SEMA6D: variants seen among roughly 807,000 people sequenced by gnomAD.
SEMA6D encodes the protein semaphorin-6D.
Under a neutral mutation model 106.6 loss-of-function variants are expected in SEMA6D, and 35 were observed. The observed-to-expected ratio is 0.33, with a 90% CI of 0.25 to 0.44. The LOEUF (loss-of-function observed/expected upper bound fraction) is 0.44. Among genes scored for constraint, SEMA6D ranks in the 20% least tolerant of loss-of-function variants. The probability of loss-of-function intolerance (pLI) is 1.00; values close to 1 mark genes in which losing one functional copy is unlikely to be tolerated. For missense variants in SEMA6D, 1,185 were observed against 1,345.9 expected, an observed-to-expected ratio of 0.88 and a Z score of 1.87; for synonymous variants, 499 against 487.7, an observed-to-expected ratio of 1.02 and a Z score of -0.31.
At chr15:47,266,259 A>G (rs1028785461) in intron 1 of SEMA6D, among the ~76,000 whole-genome samples, 3 of 151,772 alleles carry the variant, frequency 2.0e-5, no homozygotes, top group Non-Finnish European at 4.4e-5. Flanking sequence ...AGAGCCCCTT[A>G]GACTTGAACT....
chr15:47,318,856 A>G (rs569625671), intron 1 of SEMA6D, among the ~76,000 whole-genome samples: 19 of 150,266 alleles, frequency 1.3e-4, no homozygotes, highest in Middle Eastern at 3.4e-3. Context: ...GACTTCCACA[A>G]TGGTTGAACT....
At chr15:47,605,622 C>T (rs1230449747) in intron 4 of SEMA6D, among the ~76,000 whole-genome samples, 1 of 152,190 alleles carries the variant, frequency 6.6e-6, no homozygotes, top group Non-Finnish European at 1.5e-5. Context: ...TCCCCAACCA[C>T]ATCCCCGATC....
chr15:47,383,179 T>C (rs1237468671), intron 1 of SEMA6D, among the ~76,000 whole-genome samples: 6 of 152,224 alleles, frequency 3.9e-5, no homozygotes, highest in African/African-American at 1.4e-4. Flanking sequence ...GGTTCTAAGC[T>C]GATCCTCTAT....
intron 3 of SEMA6D, among the ~76,000 whole-genome samples, chr15:47,478,360 G>A (rs1457446184): frequency 6.6e-6 from 1 of 152,098 alleles, no homozygotes; most frequent in Non-Finnish European, 1.5e-5. Flanking sequence ...GGTCACTAAT[G>A]GCATGTAATT....
intron 4 of SEMA6D, among the ~76,000 whole-genome samples, chr15:47,640,127 A>G (rs2077462401): frequency 6.6e-6 from 1 of 152,316 alleles, no homozygotes; most frequent in East Asian, 1.9e-4. Flanking sequence ...GCTTTTTTGC[A>G]TATCTAAAAC....
chr15:47,520,976 A>G (rs1382098105), intron 3 of SEMA6D, among the ~76,000 whole-genome samples: 1 of 152,184 alleles, frequency 6.6e-6, no homozygotes, highest in Non-Finnish European at 1.5e-5. Flanking sequence ...AGCTTCAGAC[A>G]GTCTAGATGT....
intron 1 of SEMA6D, among the ~76,000 whole-genome samples, chr15:47,213,588 A>G (rs975761223): frequency 6.6e-6 from 1 of 152,204 alleles, no homozygotes; most frequent in Non-Finnish European, 1.5e-5. Flanking sequence ...ATGGTCTTAC[A>G]TGCTTAGCTA....
intron 1 of SEMA6D, among the ~76,000 whole-genome samples, chr15:47,748,092 G>A (rs2081243379): frequency 6.6e-6 from 1 of 152,312 alleles, no homozygotes; most frequent in Non-Finnish European, 1.5e-5. Context: ...CCCATTTCTG[G>A]TGGGCAGTTT....
chr15:47,640,727 T>C (rs2077473668), intron 4 of SEMA6D, among the ~76,000 whole-genome samples: 1 of 152,174 alleles, frequency 6.6e-6, no homozygotes, highest in Non-Finnish European at 1.5e-5. Context: ...AAAGTGTTGT[T>C]ATATAACGCG....
At chr15:47,765,701 T>C (rs1479056980) in intron 13 of SEMA6D, 168 bp from the exon 14 acceptor site, 18 of 638,120 alleles carry the variant, frequency 2.8e-5, no homozygotes, top group Non-Finnish European at 2.3e-6. Flanking sequence ...TAACCAACCA[T>C]GCAGAGAAGT....
chr15:47,759,238 T>G (rs1228472275), intron 1 of SEMA6D, among the ~76,000 whole-genome samples: 3 of 152,146 alleles, frequency 2.0e-5, no homozygotes, highest in Non-Finnish European at 4.4e-5. Flanking sequence ...ACTTGGGTAA[T>G]GCTGGGAATT....
intron 1 of SEMA6D, among the ~76,000 whole-genome samples, chr15:47,365,694 C>G (rs2038984958): frequency 6.6e-6 from 1 of 151,646 alleles, no homozygotes; most frequent in Admixed American, 6.6e-5. Context: ...AACCCTGTCT[C>G]TACTAAAAAT....
At chr15:47,589,305 C>T (rs561857352) in intron 3 of SEMA6D, among the ~76,000 whole-genome samples, 6 of 152,212 alleles carry the variant, frequency 3.9e-5, no homozygotes, top group Non-Finnish European at 8.8e-5. Context: ...TTTTTTCTAA[C>T]AAATGTAGGT....
At chr15:47,496,302 A>T (rs1255527155) in intron 3 of SEMA6D, among the ~76,000 whole-genome samples, 2 of 152,034 alleles carry the variant, frequency 1.3e-5, no homozygotes, top group African/African-American at 4.8e-5. Flanking sequence ...CCATTCAACC[A>T]CTGACTCACA....
At chr15:47,359,059 G>T (rs1018354726) in intron 1 of SEMA6D, among the ~76,000 whole-genome samples, 1 of 151,958 alleles carries the variant, frequency 6.6e-6, no homozygotes, top group East Asian at 1.9e-4. Flanking sequence ...ATGCCCTTAG[G>T]TATCTAGATG....
intron 2 of SEMA6D, among the ~76,000 whole-genome samples, chr15:47,431,790 TAC>T (rs2140557180): frequency 6.6e-6 from 1 of 152,252 alleles, no homozygotes; most frequent in South Asian, 2.1e-4. Context: ...TCAGATACAG[TAC>T]AGTTGAAAAT....
intron 3 of SEMA6D, among the ~76,000 whole-genome samples, chr15:47,541,305 T>C (rs929438219): frequency 4.6e-5 from 7 of 152,194 alleles, no homozygotes; most frequent in African/African-American, 1.7e-4. Context: ...AATTTGACTC[T>C]TAAAGTATCT....
At chr15:47,298,667 A>G (rs758487648) in intron 1 of SEMA6D, among the ~76,000 whole-genome samples, 10 of 152,056 alleles carry the variant, frequency 6.6e-5, no homozygotes, top group Non-Finnish European at 1.5e-4. Flanking sequence ...AGGGGTGGTG[A>G]GAGTGCCAGT....
Position 47,771,263 on chromosome 15 carries a change from C to G in SEMA6D, c.2700C>G (p.Ile900Met). 1 of 1,614,024 alleles carries G rather than the reference C, an allele frequency of 6.2e-7. No individual in the cohort carries two copies. The highest frequency in any genetic ancestry group is 1.1e-5 in the South Asian group (1 of 91,074). ...ACCCCAAAGCCATCATGGGAGACAT[C>G]CAGATGGCACACCAGAACTTAATGC... ...NSNPKAIMGD[I>M]QMAHQNLMLD... is the part of the protein sequence containing the mutation. The change falls in exon 19 of 19, where the codon ATC (isoleucine) becomes ATG (methionine). Residue 900 changes from isoleucine (I) to methionine (M), a missense_variant. This residue lies in a region of SEMA6D where 750 missense variants were observed against 783.5 expected (regional missense o/e 0.96). Transcript: ENST00000536845.
Sources: allele counts gnomAD v4.1 joint callset (sites outside exome capture counted in the v4.1 genomes callset), GRCh38; gene constraint gnomAD v4.1.1; regional missense constraint gnomAD v4.1.1; transcripts MANE v1.5; gene names NCBI Gene and HGNC (gene_info 2026-07-23, HGNC 2026-07-21).